Variants in FGFR1 observed in about 807,000 individuals in gnomAD.
FGFR1 encodes fibroblast growth factor receptor 1.
FGFR1 carries 18 observed loss-of-function variants against 93.7 expected under a neutral mutation model. The ratio of observed to expected loss-of-function variants is 0.19; its 90% confidence interval spans 0.13 to 0.28. The LOEUF (loss-of-function observed/expected upper bound fraction) is 0.28, where lower values mean the gene tolerates loss of function less well. FGFR1 is among the 10% of genes least tolerant of loss of function. The pLI is 1.00. For synonymous variants in FGFR1, 448 were observed against 429.3 expected, an observed-to-expected ratio of 1.04 and a Z score of -0.54; for missense variants, 731 against 1,080.4, an observed-to-expected ratio of 0.68 and a Z score of 4.53.
At chr8:38,461,313 C>T in intron 1 of FGFR1, 1 of 591,758 alleles carries the variant, frequency 1.7e-6, no homozygotes. Context: ...GTAAGGAAAA[C>T]TAGCTGACGA....
chr8:38,424,452 C>G lies in FGFR1; in HGVS notation c.936+57G>C. On this transcript the variant is annotated intron_variant, in intron 7 of 17. Transcript: ENST00000447712. The surrounding 1 kb of genome is among the most constrained non-coding windows in gnomAD (Gnocchi z 4.3). ...GCCTGCCCACAGGAACTTGAGCCCC[C>G]GAGACAGTGGTCTCCTTCCCAGTAG... The G allele has an allele frequency of 1.2e-6, 2 of 1,603,688 alleles. No individual in the cohort carries two copies. Among genetic ancestry groups the G allele is most frequent in the Non-Finnish European group, 1.7e-6 (2 of 1,170,720 alleles).
intron 2 of FGFR1, 175 bp from the exon 3 acceptor site, chr8:38,430,123 T>G (rs1430091683): frequency 4.7e-6 from 3 of 638,342 alleles, no homozygotes. Context: ...CATGGGTCAG[T>G]GGGGAAAACA....
At chr8:38,435,361 T>C (rs1005316547) in intron 2 of FGFR1, 1 of 152,252 alleles carries the variant, frequency 6.6e-6, no homozygotes, top group Admixed American at 6.5e-5. Context: ...AAAATCAGAC[T>C]AACCTCGGGT....
chr8:38,413,457 G>A lies in FGFR1; in HGVS notation c.*171C>T. 2 of 646,464 alleles carry A rather than the reference G, an allele frequency of 3.1e-6. No homozygotes were observed. 40.0% of individuals were successfully genotyped at this position (646,464 alleles called of 1,614,324 possible). ...CCAGCAGGTGGAGAGGAGGTGGAGG[G>A]AGAGGTGAGCTGAGTGGGGTGAAGG... On this transcript the variant is annotated 3_prime_UTR_variant, in exon 18 of 18. Transcript: ENST00000447712. The surrounding 1 kb of genome is among the most constrained non-coding windows in gnomAD (Gnocchi z 4.2).
intron 2 of FGFR1, chr8:38,440,323 C>G (rs1312784243): frequency 6.2e-7 from 1 of 1,604,936 alleles, no homozygotes; most frequent in South Asian, 1.1e-5. Flanking sequence ...TGGCAGGACC[C>G]GGCCAGAGTG....
chr8:38,459,955 G>A (rs1240642889), intron 1 of FGFR1, among the ~76,000 whole-genome samples: 3 of 152,132 alleles, frequency 2.0e-5, no homozygotes, highest in South Asian at 2.1e-4. Context: ...AGGCTGAGGC[G>A]GGAGTATCAC....
chr8:38,428,495 C>T, intron 3 of FGFR1, 60 bp from the exon 4 acceptor site: 1 of 1,382,830 alleles, frequency 7.2e-7, no homozygotes, highest in Non-Finnish European at 1.0e-6. Flanking sequence ...TTCACCAAGG[C>T]TAGTGCAGTT....
intron 2 of FGFR1, among the ~76,000 whole-genome samples, chr8:38,454,310 A>T (rs1463095985): frequency 3.3e-5 from 5 of 151,794 alleles, no homozygotes; most frequent in Non-Finnish European, 7.4e-5. Flanking sequence ...CTTGGGCTGC[A>T]AAAAAAAGAA....
intron 2 of FGFR1, among the ~76,000 whole-genome samples, chr8:38,448,381 G>A (rs549561858): frequency 6.6e-6 from 1 of 151,734 alleles, no homozygotes; most frequent in South Asian, 2.1e-4. Flanking sequence ...GCGGGTTCAA[G>A]TGATTCTCCT....
chr8:38,458,867 G>A (rs986224930), intron 1 of FGFR1: 1 of 221,068 alleles, frequency 4.5e-6, no homozygotes. Flanking sequence ...AGAGTGTGGA[G>A]CCAGGAGGGA....
chr8:38,416,862 T>C (rs1464324699), intron 12 of FGFR1, among the ~76,000 whole-genome samples: 1 of 152,138 alleles, frequency 6.6e-6, no homozygotes, highest in Non-Finnish European at 1.5e-5. Context: ...AAGCAAGTCT[T>C]ATGCGTCAGC....
intron 3 of FGFR1, chr8:38,428,665 G>T: frequency 1.8e-6 from 1 of 564,172 alleles, no homozygotes; most frequent in Non-Finnish European, 3.2e-6. Flanking sequence ...TTCACACTGG[G>T]TGGTTCCATC....
At chr8:38,439,576 T>C (rs1236090597) in intron 2 of FGFR1, among the ~76,000 whole-genome samples, 1 of 152,176 alleles carries the variant, frequency 6.6e-6, no homozygotes, top group Non-Finnish European at 1.5e-5. Context: ...CAACACTCCA[T>C]GACAGCCCCA....
Position 38,432,914 on chromosome 8 carries a change from C to CG in FGFR1, c.92-2967_92-2966insC, listed in dbSNP as rs912051441. On this transcript the variant is annotated intron_variant, in intron 2 of 17. Transcript: ENST00000447712. ...GGCTGTCCCTCCCCACCGCGCCCCC[C>CG]CCCCTCCCCAGTTGGGATGCTTTCA... Among the ~76,000 whole-genome samples the CG allele has an allele frequency of 3.6e-5, 5 of 139,558 alleles. 2 individuals carry two copies. The highest frequency in any genetic ancestry group is 6.4e-5 in the Non-Finnish European group (4 of 62,338). 91.6% of individuals were successfully genotyped at this position (139,558 alleles called of 152,430 possible).
At chr8:38,430,355 A>G in intron 2 of FGFR1, 1 of 200,160 alleles carries the variant, frequency 5.0e-6, no homozygotes, top group Admixed American at 5.4e-5. Context: ...CCAGAGGAAC[A>G]CCCCATTTCC....
intron 2 of FGFR1, among the ~76,000 whole-genome samples, chr8:38,455,909 A>G (rs1832693220): frequency 6.6e-6 from 1 of 151,996 alleles, no homozygotes; most frequent in African/African-American, 2.4e-5. Flanking sequence ...ATCCCTCCTG[A>G]CCATAAACTC....
intron 2 of FGFR1, among the ~76,000 whole-genome samples, chr8:38,455,537 C>T (rs532103918): frequency 1.1e-4 from 16 of 152,256 alleles, no homozygotes; most frequent in Non-Finnish European, 2.1e-4. Context: ...GTGATCCACC[C>T]GCCTCAGCCT....
Position 38,415,945 on chromosome 8 carries a change from C to T in FGFR1, c.1779G>A (p.Glu593=), listed in dbSNP as rs1218593652. The change falls in exon 13 of 18, where the codon GAG becomes GAA. Residue 593 remains glutamate (E), a synonymous_variant. Coordinates refer to ENST00000447712, the MANE Select transcript of FGFR1 (RefSeq NM_023110.3). Reference sequence around the variant, plus strand: ...ACACCAGGTCCTTGGAGGAGAGCTGCTCCTCTGGGTTGTGGCTGGGGTTGT... The same window carrying T: ...ACACCAGGTCCTTGGAGGAGAGCTGTTCCTCTGGGTTGTGGCTGGGGTTGT... The part of the protein sequence containing the change: ...YCYNPSHNPE[E]QLSSKDLVSC... 4.3e-6 allele frequency: 7 copies of T among 1,614,122 alleles called. No individual in the cohort carries two copies. The South Asian group carries it at 7.7e-5, about 18-fold the overall frequency.
At chr8:38,434,551 T>C (rs567681930) in intron 2 of FGFR1, 5 of 294,560 alleles carry the variant, frequency 1.7e-5, no homozygotes, top group Admixed American at 7.0e-5. Context: ...GATTTTCTTA[T>C]AGTGATTCTC....
Sources: gnomAD v4.1 joint callset for allele counts (sites outside exome capture counted in the v4.1 genomes callset) on GRCh38, gnomAD v4.1.1 for gene constraint, Gnocchi (gnomAD v3.1) non-coding constraint, MANE v1.5 for transcripts, NCBI Gene and HGNC (gene_info 2026-07-23, HGNC 2026-07-21) for gene names.